RABGAP1L: variants seen among roughly 807,000 people sequenced by gnomAD.
The protein encoded by RABGAP1L is rab GTPase-activating protein 1-like.
A neutral mutation model predicts 137.7 loss-of-function variants in RABGAP1L; 63 were observed. The ratio of observed to expected loss-of-function variants is 0.46; its 90% confidence interval spans 0.37 to 0.56. The LOEUF is 0.56. Among genes scored for constraint, RABGAP1L ranks in the 20% least tolerant of loss-of-function variants. The pLI is 0.00. For synonymous variants in RABGAP1L, 431 were observed against 433.7 expected, an observed-to-expected ratio of 0.99 and a Z score of 0.08; for missense variants, 1,095 against 1,244.0, an observed-to-expected ratio of 0.88 and a Z score of 1.80.
chr1:174,491,985 C>A (rs1366121171), intron 13 of RABGAP1L, among the ~76,000 whole-genome samples: 1 of 152,160 alleles, frequency 6.6e-6, no homozygotes, highest in Non-Finnish European at 1.5e-5. Context: ...CAGTTCAAGA[C>A]TTTTTCCTGC....
At chr1:174,412,779 A>T (rs906917579) in intron 13 of RABGAP1L, among the ~76,000 whole-genome samples, 20 of 152,136 alleles carry the variant, frequency 1.3e-4, no homozygotes, top group Non-Finnish European at 2.5e-4. Context: ...AAGAATGCTT[A>T]AAAAAGGCCC....
chr1:174,701,238 A>G (rs1679622797), intron 16 of RABGAP1L: 2 of 1,262,352 alleles, frequency 1.6e-6, no homozygotes, highest in Non-Finnish European at 2.1e-6. Context: ...AAGTTACCAT[A>G]AAGGCATTTT....
chr1:174,542,078 G>A (rs1014505978), intron 13 of RABGAP1L, among the ~76,000 whole-genome samples: 5 of 152,142 alleles, frequency 3.3e-5, no homozygotes, highest in African/African-American at 9.7e-5. Flanking sequence ...TCTCTGCCAG[G>A]CATTGGTATC....
chr1:174,172,769 G>C (rs1665523189), intron 1 of RABGAP1L, among the ~76,000 whole-genome samples: 1 of 152,128 alleles, frequency 6.6e-6, no homozygotes, highest in South Asian at 2.1e-4. Flanking sequence ...CCCTTTACCA[G>C]ATACATAGTT....
chr1:174,961,997 A>G (rs1005792377), intron 20 of RABGAP1L, among the ~76,000 whole-genome samples: 2 of 151,574 alleles, frequency 1.3e-5, no homozygotes, highest in African/African-American at 4.8e-5. Context: ...CTCTACTAAA[A>G]AATAAATAAA....
intron 19 of RABGAP1L, among the ~76,000 whole-genome samples, chr1:174,946,778 G>A (rs1483197817): frequency 6.7e-6 from 1 of 150,320 alleles, no homozygotes; most frequent in Non-Finnish European, 1.5e-5. Context: ...GCAGGCGCTT[G>A]TAATCCCAGT....
chr1:174,734,821 T>G (rs1215967760), intron 17 of RABGAP1L, among the ~76,000 whole-genome samples: 1 of 152,190 alleles, frequency 6.6e-6, no homozygotes, highest in Non-Finnish European at 1.5e-5. Context: ...TAATTTTTGC[T>G]TATTTATATG....
chr1:174,672,087 A>G (rs968337607), intron 14 of RABGAP1L, among the ~76,000 whole-genome samples: 15 of 152,076 alleles, frequency 9.9e-5, no homozygotes, highest in Admixed American at 6.6e-5. Flanking sequence ...AGATTTATCC[A>G]TTCTAAGTTA....
chr1:174,565,023 T>G (rs765180939), intron 13 of RABGAP1L, among the ~76,000 whole-genome samples: 10 of 152,200 alleles, frequency 6.6e-5, no homozygotes, highest in Non-Finnish European at 1.2e-4. Flanking sequence ...ATAACTTTAA[T>G]AATTCTTTTT....
chr1:174,908,105 A>C (rs1032597977), intron 19 of RABGAP1L, among the ~76,000 whole-genome samples: 1 of 152,240 alleles, frequency 6.6e-6, no homozygotes, highest in African/African-American at 2.4e-5. Context: ...AAGCAAGAGA[A>C]TATAACAATT....
At chr1:174,800,173 A>G in intron 18 of RABGAP1L, 8 of 1,398,058 alleles carry the variant, frequency 5.7e-6, no homozygotes, top group Non-Finnish European at 7.4e-6. Flanking sequence ...TAATTTAGCC[A>G]AAATGTTTTT....
rs548563924 is a variant in RABGAP1L at position 174,992,541 on chromosome 1, T to A, written c.*2540T>A. 2.5e-4 allele frequency: 38 copies of A among 152,256 alleles called. No individual in the cohort carries two copies. Among genetic ancestry groups the A allele is most frequent in the African/African-American group, 7.2e-4 (30 of 41,564 alleles). The allele number at this position is 152,256 out of a possible 1,614,324, so 9.4% of individuals were successfully genotyped here. On this transcript the variant is annotated 3_prime_UTR_variant, in exon 26 of 26. Transcript: ENST00000681986. ...AAGATTACGAGGGCAATACATATTT[T>A]TTTTTTTTTTATTCTCCAGCCCCAT...
intron 7 of RABGAP1L, among the ~76,000 whole-genome samples, chr1:174,257,486 A>G (rs1673228280): frequency 6.6e-6 from 1 of 152,200 alleles, no homozygotes; most frequent in South Asian, 2.1e-4. Context: ...ACACACATTT[A>G]AATATATTAC....
chr1:174,869,149 A>C (rs1049092270), intron 19 of RABGAP1L, among the ~76,000 whole-genome samples: 6 of 152,160 alleles, frequency 3.9e-5, no homozygotes, highest in Non-Finnish European at 8.8e-5. Flanking sequence ...ATAACAACCA[A>C]CATCAATCAA....
At chr1:174,615,076 C>G (rs565942750) in intron 13 of RABGAP1L, among the ~76,000 whole-genome samples, 1 of 152,228 alleles carries the variant, frequency 6.6e-6, no homozygotes, top group Non-Finnish European at 1.5e-5. Flanking sequence ...CTTCTCTCAA[C>G]TCGTCAAAGT....
intron 10 of RABGAP1L, among the ~76,000 whole-genome samples, chr1:174,292,188 C>A (rs538262052): frequency 7.6e-4 from 114 of 150,884 alleles, no homozygotes; most frequent in Admixed American, 1.6e-3. Context: ...CAGGTACATC[C>A]ATCATGCTTG....
chr1:174,972,592 C>G (rs987553731), intron 21 of RABGAP1L, among the ~76,000 whole-genome samples: 1 of 151,980 alleles, frequency 6.6e-6, no homozygotes. Flanking sequence ...GTGGCTCACG[C>G]CTGTAATCCT....
intron 4 of RABGAP1L, among the ~76,000 whole-genome samples, chr1:174,234,212 A>G (rs1670946502): frequency 1.0e-5 from 1 of 96,646 alleles, no homozygotes; most frequent in Admixed American, 1.1e-4. Context: ...TCCATTTTGT[A>G]GGTTGCCTGT....
chr1:174,831,428 C>T (rs996327100), intron 19 of RABGAP1L, among the ~76,000 whole-genome samples: 1 of 148,080 alleles, frequency 6.8e-6, no homozygotes, highest in Non-Finnish European at 1.5e-5. Flanking sequence ...GATGAGTCCA[C>T]CTTGTCTTAA....
Sources: allele counts gnomAD v4.1 joint callset (sites outside exome capture counted in the v4.1 genomes callset), GRCh38; gene constraint gnomAD v4.1.1; transcripts MANE v1.5; gene names NCBI Gene and HGNC (gene_info 2026-07-23, HGNC 2026-07-21).